Variants in COPB1 observed in about 807,000 individuals in gnomAD.
COPB1 encodes coat protein complex I subunit beta 1.
A neutral mutation model predicts 108.7 loss-of-function variants in COPB1; 21 were observed. That is an observed-to-expected ratio of 0.19 (90% CI 0.14 to 0.28). The LOEUF is 0.28. Among genes scored for constraint, COPB1 ranks in the 10% least tolerant of loss-of-function variants. The probability of loss-of-function intolerance (pLI) is 1.00; values close to 1 mark genes in which losing one functional copy is unlikely to be tolerated. For synonymous variants in COPB1, 378 were observed against 386.8 expected, an observed-to-expected ratio of 0.98 and a Z score of 0.27; for missense variants, 919 against 1,141.3, an observed-to-expected ratio of 0.81 and a Z score of 2.81.
intron 18 of COPB1, among the ~76,000 whole-genome samples, chr11:14,464,128 T>A (rs1850226061): frequency 6.6e-6 from 1 of 152,180 alleles, no homozygotes; most frequent in Non-Finnish European, 1.5e-5. Flanking sequence ...GCCATCATCC[T>A]CCAACCCATT....
intron 11 of COPB1, among the ~76,000 whole-genome samples, chr11:14,477,448 T>C (rs970559981): frequency 7.8e-5 from 11 of 141,254 alleles, no homozygotes; most frequent in African/African-American, 3.2e-4. Context: ...TCCTAGCACA[T>C]TCGGAGGCTG....
rs545290998 is a variant in COPB1 at position 14,462,968 on chromosome 11, T to C, written c.2411-1637A>G. Among the ~76,000 whole-genome samples, 6 of 152,282 alleles carry C rather than the reference T, an allele frequency of 3.9e-5. No individual in the cohort carries two copies. In the South Asian group the frequency reaches 1.0e-3, roughly 26 times the overall value. ...CAGAATAGTCTACACTACCTGTATT[T>C]CTTCATATCGTATTTAGTCTTCAAC... On this transcript the variant is annotated intron_variant, in intron 18 of 21. Coordinates refer to ENST00000439561, the MANE Select transcript of COPB1 (RefSeq NM_001144061.2).
rs61014253 is a variant in COPB1 at position 14,477,389 on chromosome 11, C to CAAAAAAAAAAAAAAAAAAAAAA, written c.1359-375_1359-374insTTTTTTTTTTTTTTTTTTTTTT. On this transcript the variant is annotated intron_variant, in intron 11 of 21. Transcript: ENST00000439561. Reference sequence around the variant, plus strand: ...TGGGTGACAGAGCGAGACTCCGTCTCAAAAAAAAAAAAAAAACAAGGGCCA... The same window carrying CAAAAAAAAAAAAAAAAAAAAAA: ...TGGGTGACAGAGCGAGACTCCGTCTCAAAAAAAAAAAAAAAAAAAAAAAAAAAAAAAAAAAAAACAAGGGCCA... Among the ~76,000 whole-genome samples, 51 of 73,272 alleles carry CAAAAAAAAAAAAAAAAAAAAAA rather than the reference C, an allele frequency of 7.0e-4. 1 individual carries two copies. Among genetic ancestry groups the CAAAAAAAAAAAAAAAAAAAAAA allele is most frequent in the Non-Finnish European group, 9.9e-4 (39 of 39,502 alleles). 48.1% of individuals were successfully genotyped at this position (73,272 alleles called of 152,430 possible).
chr11:14,465,062 TACAC>T (rs3835110), intron 17 of COPB1, 32 bp from the exon 18 acceptor site: 76,304 of 1,103,772 alleles, frequency 0.069, 3,041 homozygotes, highest in East Asian at 0.081. Flanking sequence ...TGGTTAAAAA[TACAC>T]ACACACACAC....
intron 15 of COPB1, among the ~76,000 whole-genome samples, chr11:14,469,080 G>C (rs1343278957): frequency 1.3e-5 from 2 of 151,928 alleles, no homozygotes; most frequent in Non-Finnish European, 2.9e-5. Context: ...CTGCAGCCTC[G>C]AACTCTTAGA....
chr11:14,458,663 T>G lies in COPB1; in HGVS notation c.2671A>C (p.Met891Leu). The G allele has an allele frequency of 6.2e-7, 1 of 1,611,182 alleles. No individual in the cohort carries two copies. The highest frequency in any genetic ancestry group is 8.5e-7 in the Non-Finnish European group (1 of 1,178,866). Residue 891 changes from methionine (M) to leucine (L), a missense_variant, in exon 21 of 22, where the codon ATG becomes CTG. By Grantham distance (15) the Met-to-Leu change is conservative. This residue lies in a region of COPB1 where 705 missense variants were observed against 817.8 expected (regional missense o/e 0.86). Coordinates refer to ENST00000439561, the MANE Select transcript of COPB1 (RefSeq NM_001144061.2). ...EKALSGYCGF[M>L]AANLYARSIF... is the part of the protein sequence containing the mutation. The stretch of plus-strand genomic sequence containing the variant: ...GAACGAGCATAAAGGTTGGCTGCCA[T>G]AAAGCCACAGTAACCAGAAAGGGCC...
intron 16 of COPB1, 27 bp downstream of exon 16, chr11:14,468,654 T>C: frequency 6.2e-7 from 1 of 1,602,422 alleles, no homozygotes; most frequent in Middle Eastern, 1.7e-4. Flanking sequence ...ATTTAAATAA[T>C]TTAGAGTCTA....
intron 19 of COPB1, 28 bp from the exon 20 acceptor site, chr11:14,460,325 G>C: frequency 7.2e-7 from 1 of 1,395,440 alleles, no homozygotes; most frequent in South Asian, 1.2e-5. Flanking sequence ...AAGTCAAGGA[G>C]ATCATAAATC....
intron 13 of COPB1, among the ~76,000 whole-genome samples, chr11:14,475,072 C>G (rs982798440): frequency 2.5e-5 from 3 of 118,378 alleles, no homozygotes; most frequent in African/African-American, 3.3e-5. Flanking sequence ...CTAGCGTGGC[C>G]GACAGAGCAA....
At position 14,468,695 on chromosome 11, in the gene COPB1, A is replaced by C. The variant is rs373281363; in HGVS notation, c.2131T>G (p.Ser711Ala). The C allele has an allele frequency of 7.4e-6, 12 of 1,613,852 alleles. No homozygotes were observed. The African/African-American group carries it at 1.5e-4, about 20-fold the overall frequency. ...CATTTTGTTACCTTGTTAAGTTTAG[A>C]TGCTAGGGGATCTGCTGCCTCTTTC... ...QRKEAADPLASKLNKVTQLTG... is the reference protein window; with the variant it reads ...QRKEAADPLAAKLNKVTQLTG... The change falls in exon 16 of 22, where the codon TCT (serine) becomes GCT (alanine). Residue 711 changes from serine (S) to alanine (A), a missense_variant. By Grantham distance (99) the Ser-to-Ala change is moderately conservative. Coordinates refer to ENST00000439561, the MANE Select transcript of COPB1 (RefSeq NM_001144061.2).
chr11:14,474,961 T>G (rs1850486588), intron 13 of COPB1, among the ~76,000 whole-genome samples: 7 of 151,834 alleles, frequency 4.6e-5, no homozygotes. Flanking sequence ...CTGGGCATGG[T>G]GGCACAAACC....
At chr11:14,473,904 T>C (rs1435635837) in intron 14 of COPB1, 1 of 152,090 alleles carries the variant, frequency 6.6e-6, no homozygotes, top group Non-Finnish European at 1.5e-5. Context: ...GTAAATGCTA[T>C]GTAAATAATT....
Position 14,493,699 on chromosome 11 carries a change from T to C in COPB1, c.434A>G (p.Glu145Gly). 6.2e-7 allele frequency: 1 copy of C among 1,613,738 alleles called. No homozygotes were observed. Among genetic ancestry groups the C allele is most frequent in the South Asian group, 1.1e-5 (1 of 90,910 alleles). ...PLMPAIRACL[E>G]HRHSYVRRNA... ...TCTTCTAACATAGCTGTGTCGATGC[T>C]CCAAACATGCACGAATAGCTGGCAT... is the stretch of plus-strand genomic sequence containing the variant. The change falls in exon 4 of 22, where the codon GAG (glutamate) becomes GGG (glycine). Residue 145 changes from glutamate (E) to glycine (G), a missense_variant. Transcript: ENST00000439561.
At chr11:14,465,777 C>A (rs2134097253) in intron 17 of COPB1, among the ~76,000 whole-genome samples, 1 of 152,176 alleles carries the variant, frequency 6.6e-6, no homozygotes, top group South Asian at 2.1e-4. Flanking sequence ...GCACTGTTCC[C>A]ATATACAATT....
At chr11:14,477,826 GGCGGCGGTT>G (rs1850561172) in intron 11 of COPB1, among the ~76,000 whole-genome samples, 1 of 150,922 alleles carries the variant, frequency 6.6e-6, no homozygotes, top group Non-Finnish European at 1.5e-5. Context: ...GAACATGAGA[GGCGGCGGTT>G]GCAGTGAGCC....
intron 12 of COPB1, 146 bp from the exon 13 acceptor site, chr11:14,476,091 C>T: frequency 4.5e-6 from 3 of 664,198 alleles, no homozygotes; most frequent in South Asian, 2.3e-5. Flanking sequence ...TATTTCCTTC[C>T]CAGGATAATG....
intron 1 of COPB1, 117 bp downstream of exon 1, chr11:14,499,590 C>A (rs1413056435): frequency 6.8e-6 from 1 of 147,178 alleles, no homozygotes; most frequent in Non-Finnish European, 1.5e-5. Flanking sequence ...CCGACCCGCA[C>A]CCCCACCCGT....
chr11:14,497,638 C>A (rs1851052700), intron 2 of COPB1, among the ~76,000 whole-genome samples: 2 of 152,050 alleles, frequency 1.3e-5, no homozygotes, highest in South Asian at 4.1e-4. Context: ...TTGGAGGGTC[C>A]TCAAAAAACT....
rs550237560 is a variant in COPB1, at chr11:14,474,682, G to A, written c.1617-67C>T. On this transcript the variant is annotated intron_variant, in intron 13 of 21. Coordinates refer to ENST00000439561, the MANE Select transcript of COPB1 (RefSeq NM_001144061.2). ...AGCAGCATGCAGCTTCTGTATAAATGAATGATATAGGCCTATTAAACACTC... is the reference window on the plus strand; with the variant it reads ...AGCAGCATGCAGCTTCTGTATAAATAAATGATATAGGCCTATTAAACACTC... The A allele has an allele frequency of 1.3e-4, 208 of 1,592,624 alleles. 1 individual carries two copies. Among genetic ancestry groups the A allele is most frequent in the South Asian group, 1.0e-3 (93 of 88,684 alleles).
Sources: gnomAD v4.1 joint callset for allele counts (sites outside exome capture counted in the v4.1 genomes callset) on GRCh38, gnomAD v4.1.1 for gene constraint, gnomAD v4.1.1 regional missense constraint, MANE v1.5 for transcripts, NCBI Gene and HGNC (gene_info 2026-07-23, HGNC 2026-07-21) for gene names.